MBNL2: variants seen among roughly 807,000 people sequenced by gnomAD.
MBNL2 encodes muscleblind like splicing regulator 2.
A neutral mutation model predicts 41.9 loss-of-function variants in MBNL2; 17 were observed. That is an observed-to-expected ratio of 0.41 (90% CI 0.28 to 0.61). The LOEUF (loss-of-function observed/expected upper bound fraction) is 0.61. MBNL2 is among the 20% of genes least tolerant of loss of function. The probability of loss-of-function intolerance (pLI) is 0.35; values close to 1 mark genes in which losing one functional copy is unlikely to be tolerated. For missense variants in MBNL2, 336 were observed against 505.6 expected, an observed-to-expected ratio of 0.66 and a Z score of 3.22; for synonymous variants, 195 against 182.9, an observed-to-expected ratio of 1.07 and a Z score of -0.53.
chr13:97,262,827 G>C (rs1234961141), intron 1 of MBNL2, among the ~76,000 whole-genome samples: 1 of 151,900 alleles, frequency 6.6e-6, no homozygotes. Context: ...GCAGTGGCAC[G>C]ATCTCAGCTC....
At chr13:97,281,414 A>G (rs1219952465) in intron 2 of MBNL2, among the ~76,000 whole-genome samples, 1 of 152,234 alleles carries the variant, frequency 6.6e-6, no homozygotes, top group Admixed American at 6.5e-5. Context: ...ATTTTCAAGT[A>G]AATAATTTGA....
intron 2 of MBNL2, among the ~76,000 whole-genome samples, chr13:97,306,909 A>G (rs982761669): frequency 1.3e-5 from 2 of 152,172 alleles, no homozygotes; most frequent in Non-Finnish European, 2.9e-5. Context: ...ATTTGGATGG[A>G]TTCTCAAAAG....
chr13:97,210,285 A>G, the MBNL2 span, among the ~76,000 whole-genome samples: 10 of 152,356 alleles, frequency 6.6e-5, no homozygotes, highest in Admixed American at 2.0e-4. Flanking sequence ...TAAGATTCAA[A>G]TAGATTAAAA....
intron 2 of MBNL2, among the ~76,000 whole-genome samples, chr13:97,285,571 C>A (rs550743607): frequency 1.3e-5 from 2 of 152,144 alleles, no homozygotes; most frequent in Admixed American, 6.5e-5. Flanking sequence ...TGAATCTTGG[C>A]GATCAATTAA....
intron 1 of MBNL2, 118 bp downstream of exon 1, chr13:97,222,649 C>T (rs2040977652): frequency 7.6e-6 from 3 of 394,058 alleles, no homozygotes; most frequent in African/African-American, 4.1e-5. Flanking sequence ...AATTGTAATA[C>T]TTGCGGGGGA....
At chr13:97,238,086 T>C (rs986328511) in intron 1 of MBNL2, among the ~76,000 whole-genome samples, 11 of 152,088 alleles carry the variant, frequency 7.2e-5, no homozygotes, top group African/African-American at 2.4e-4. Flanking sequence ...GGGAAGACAA[T>C]AAAATTGGCT....
chr13:97,227,172 C>T (rs998022120), intron 1 of MBNL2, among the ~76,000 whole-genome samples: 8 of 151,990 alleles, frequency 5.3e-5, no homozygotes, highest in Non-Finnish European at 8.8e-5. Flanking sequence ...AGACAAGCTG[C>T]GAGGTTCAGG....
the MBNL2 span, among the ~76,000 whole-genome samples, chr13:97,215,613 C>T: frequency 3.3e-5 from 5 of 152,132 alleles, no homozygotes; most frequent in East Asian, 3.8e-4. Context: ...AAAACTAATT[C>T]GAGTTAAGCA....
the MBNL2 span, among the ~76,000 whole-genome samples, chr13:97,146,341 G>A: frequency 6.6e-6 from 1 of 152,050 alleles, no homozygotes; most frequent in African/African-American, 2.4e-5. Flanking sequence ...AACAGATCCA[G>A]TCTATTGTGA....
intron 2 of MBNL2, among the ~76,000 whole-genome samples, chr13:97,289,306 C>G (rs983251823): frequency 5.9e-5 from 9 of 152,170 alleles, no homozygotes; most frequent in Non-Finnish European, 1.2e-4. Flanking sequence ...ATTTCAAGTG[C>G]TCCCAGCTCT....
intron 2 of MBNL2, among the ~76,000 whole-genome samples, chr13:97,332,922 T>C (rs1285569838): frequency 1.3e-5 from 2 of 152,206 alleles, no homozygotes; most frequent in African/African-American, 2.4e-5. Context: ...ACAGCATTTG[T>C]TGATTAGCAC....
chr13:97,191,570 G>A, the MBNL2 span, among the ~76,000 whole-genome samples: 6 of 151,928 alleles, frequency 3.9e-5, no homozygotes, highest in East Asian at 1.9e-4. Context: ...TGTTATCCAC[G>A]TTAGGCCAGC....
the MBNL2 span, among the ~76,000 whole-genome samples, chr13:97,206,993 C>T: frequency 6.6e-5 from 10 of 152,098 alleles, no homozygotes; most frequent in African/African-American, 2.4e-4. Flanking sequence ...GCTTGTCTTC[C>T]TTGAATGCCT....
At chr13:97,323,904 T>C (rs967854087) in intron 2 of MBNL2, among the ~76,000 whole-genome samples, 1 of 152,164 alleles carries the variant, frequency 6.6e-6, no homozygotes, top group Non-Finnish European at 1.5e-5. Flanking sequence ...CTCTCAAGCA[T>C]TTATCCTTTG....
Position 97,329,743 on chromosome 13 carries a change from C to CCATA in MBNL2, c.175-4527_175-4524dup, listed in dbSNP as rs1555315431. On this transcript the variant is annotated intron_variant, in intron 2 of 8. Transcript: ENST00000679496. ...ACATACACAACATACAACACATACA[C>CCATA]CATACATACTACACACACAGCACAC... 2.5e-4 allele frequency among the ~76,000 whole-genome samples: 3 copies of CCATA among 11,834 alleles called. 1 individual carries two copies. The highest frequency in any genetic ancestry group is 6.3e-4 in the Non-Finnish European group (3 of 4,738). The allele number at this position is 11,834 out of a possible 152,430, so 7.8% of individuals were successfully genotyped here.
the MBNL2 span, among the ~76,000 whole-genome samples, chr13:97,210,000 T>C: frequency 3.9e-5 from 6 of 152,206 alleles, no homozygotes; most frequent in Admixed American, 1.3e-4. Context: ...TTCACCGTAT[T>C]GGCCAGGCTG....
Position 97,391,616 on chromosome 13 carries a change from A to C in MBNL2, c.*167A>C. 1 of 555,462 alleles carries C rather than the reference A, an allele frequency of 1.8e-6. No individual in the cohort carries two copies. Among genetic ancestry groups the C allele is most frequent in the Non-Finnish European group, 3.1e-6 (1 of 318,716 alleles). 34.4% of individuals were successfully genotyped at this position (555,462 alleles called of 1,614,324 possible). A position where few individuals can be genotyped will look rare whatever the true frequency, so the allele number is the denominator to read the frequency against. On this transcript the variant is annotated 3_prime_UTR_variant, in exon 9 of 9. Transcript: ENST00000679496. ...ACATAAAGGATAAAGTTTACTTTTAAAGGGTTTCTAAACATAGTTTCTGTC... is the reference window on the plus strand; with the variant it reads ...ACATAAAGGATAAAGTTTACTTTTACAGGGTTTCTAAACATAGTTTCTGTC...
At chr13:97,290,608 G>A (rs559694706) in intron 2 of MBNL2, among the ~76,000 whole-genome samples, 6 of 151,764 alleles carry the variant, frequency 4.0e-5, no homozygotes, top group South Asian at 4.2e-4. Flanking sequence ...CCCGGGAAGC[G>A]GAGCTTGCAG....
intron 2 of MBNL2, among the ~76,000 whole-genome samples, chr13:97,279,398 A>G (rs1200693105): frequency 1.3e-5 from 2 of 152,274 alleles, no homozygotes; most frequent in Admixed American, 6.5e-5. Context: ...GGCATCCCAC[A>G]TAGTTAGTCC....
Sources: gnomAD v4.1 joint callset for allele counts (sites outside exome capture counted in the v4.1 genomes callset) on GRCh38, gnomAD v4.1.1 for gene constraint, MANE v1.5 for transcripts, NCBI Gene and HGNC (gene_info 2026-07-23, HGNC 2026-07-21) for gene names.